Variants in NEGR1 observed in about 807,000 individuals in gnomAD.
The protein encoded by NEGR1 is IgLON family member 4.
A neutral mutation model predicts 40.9 loss-of-function variants in NEGR1; 10 were observed. That is an observed-to-expected ratio of 0.24 (90% confidence interval 0.15 to 0.42). The LOEUF is 0.42. Ranked by LOEUF, NEGR1 falls within the 10% of genes least tolerant of loss-of-function variation. NEGR1 has a pLI of 1.00. For synonymous variants in NEGR1, 185 were observed against 166.8 expected (o/e 1.11, Z -0.84); for missense variants, 352 against 438.9 (o/e 0.80, Z 1.77).
chr1:72,226,134 A>T (rs995969451), intron 1 of NEGR1, among the ~76,000 whole-genome samples: 8 of 151,912 alleles, frequency 5.3e-5, no homozygotes, highest in Non-Finnish European at 7.4e-5. Context: ...CTTAATCAAG[A>T]TCTAAACTTT....
chr1:72,280,420 C>T (rs1656203610), intron 1 of NEGR1, among the ~76,000 whole-genome samples: 1 of 152,148 alleles, frequency 6.6e-6, no homozygotes, highest in Non-Finnish European at 1.5e-5. Flanking sequence ...TTGCTTGCTA[C>T]AAAAATACAT....
chr1:72,071,616 T>C (rs1647464466), intron 1 of NEGR1, among the ~76,000 whole-genome samples: 1 of 152,094 alleles, frequency 6.6e-6, no homozygotes, highest in African/African-American at 2.4e-5. Flanking sequence ...TTCTTCTTTA[T>C]CATCCACTCA....
At chr1:71,635,959 G>T (rs1651134736) in intron 4 of NEGR1, among the ~76,000 whole-genome samples, 1 of 151,846 alleles carries the variant, frequency 6.6e-6, no homozygotes, top group South Asian at 2.1e-4. Flanking sequence ...TGTTTATAAA[G>T]TTAAAAAAAT....
intron 4 of NEGR1, among the ~76,000 whole-genome samples, chr1:71,647,883 C>T (rs918320677): frequency 6.6e-6 from 1 of 151,874 alleles, no homozygotes; most frequent in Non-Finnish European, 1.5e-5. Context: ...ATACATGTGG[C>T]CACACCACTG....
At chr1:71,681,251 T>C (rs956576070) in intron 4 of NEGR1, among the ~76,000 whole-genome samples, 7 of 152,238 alleles carry the variant, frequency 4.6e-5, no homozygotes, top group African/African-American at 1.7e-4. Flanking sequence ...ATTCTTTCTG[T>C]AACAATAAGA....
In NEGR1 at chr1:71,645,533, ATCT is replaced by A. The variant is rs376588618; in HGVS notation, c.668-34390_668-34388del. Among the ~76,000 whole-genome samples the A allele has an allele frequency of 1.7e-3, 258 of 152,028 alleles. 1 individual carries two copies. The South Asian group carries it at 0.028, about 16-fold the overall frequency. On this transcript the variant is annotated intron_variant, in intron 4 of 6. Coordinates refer to ENST00000357731, the MANE Select transcript of NEGR1 (RefSeq NM_173808.3). ...TTCTCATTCCCACAGCAGAAAAAAA[ATCT>A]TCTCTCAATAATTATTTTTATAATG... is the stretch of plus-strand genomic sequence containing the variant.
At chr1:71,543,986 T>G (rs575864599) in intron 6 of NEGR1, among the ~76,000 whole-genome samples, 2 of 151,644 alleles carry the variant, frequency 1.3e-5, no homozygotes, top group Non-Finnish European at 3.0e-5. Flanking sequence ...TTTGTTTGTT[T>G]GACTTCCTTG....
rs180743929 is a variant in NEGR1, at chr1:72,138,387, C to G, written c.176+143932G>C. On this transcript the variant is annotated intron_variant, in intron 1 of 6. Coordinates refer to ENST00000357731, the MANE Select transcript of NEGR1 (RefSeq NM_173808.3). ...AAATGTAATTATATGAGTAATCACA[C>G]TAAATACAAGTGTTCTAAATACCTT... Among the ~76,000 whole-genome samples, 152 of 151,968 alleles carry G rather than the reference C, an allele frequency of 1.0e-3. 1 individual carries two copies. The highest frequency in any genetic ancestry group is 3.5e-3 in the African/African-American group (146 of 41,498).
chr1:71,658,770 A>T (rs1218827395), intron 4 of NEGR1, among the ~76,000 whole-genome samples: 1 of 152,190 alleles, frequency 6.6e-6, no homozygotes, highest in Non-Finnish European at 1.5e-5. Context: ...TTGTTGAGGA[A>T]CTGCAGACTG....
intron 2 of NEGR1, among the ~76,000 whole-genome samples, chr1:71,873,758 G>A (rs1660346454): frequency 6.6e-6 from 1 of 152,106 alleles, no homozygotes; most frequent in African/African-American, 2.4e-5. Context: ...GCTGTAGTGG[G>A]TGTTACTGTA....
chr1:71,442,085 G>A (rs1007416570), intron 6 of NEGR1, among the ~76,000 whole-genome samples: 2 of 151,378 alleles, frequency 1.3e-5, no homozygotes, highest in African/African-American at 4.9e-5. Context: ...ATCATAAAAA[G>A]TATACATGTT....
At chr1:71,473,617 T>C (rs144894195) in intron 6 of NEGR1, among the ~76,000 whole-genome samples, 9 of 152,192 alleles carry the variant, frequency 5.9e-5, no homozygotes, top group Non-Finnish European at 8.8e-5. Flanking sequence ...TTACTACAGA[T>C]AGGGAGTTTT....
chr1:71,662,987 C>G (rs997376606), intron 4 of NEGR1, among the ~76,000 whole-genome samples: 1 of 151,164 alleles, frequency 6.6e-6, no homozygotes, highest in African/African-American at 2.4e-5. Context: ...GACGGGGTCT[C>G]GTTCTGTCTC....
intron 1 of NEGR1, among the ~76,000 whole-genome samples, chr1:72,269,663 C>T (rs1655776677): frequency 6.6e-6 from 1 of 151,604 alleles, no homozygotes; most frequent in African/African-American, 2.4e-5. Flanking sequence ...TACATTATAC[C>T]TAACTCTAAG....
chr1:71,552,301 T>C (rs1173702926), intron 6 of NEGR1, among the ~76,000 whole-genome samples: 3 of 150,424 alleles, frequency 2.0e-5, no homozygotes. Context: ...TCTCATCCTG[T>C]GGCCCTTCTA....
At chr1:71,562,597 T>C (rs967148788) in intron 6 of NEGR1, among the ~76,000 whole-genome samples, 1 of 151,950 alleles carries the variant, frequency 6.6e-6, no homozygotes, top group Non-Finnish European at 1.5e-5. Context: ...AGGAAGAATG[T>C]AATTGTTTAG....
chr1:72,258,209 C>T (rs939702645), intron 1 of NEGR1, among the ~76,000 whole-genome samples: 1 of 152,122 alleles, frequency 6.6e-6, no homozygotes, highest in African/African-American at 2.4e-5. Flanking sequence ...GTTTTCAAAA[C>T]TCAAGGAGGT....
intron 1 of NEGR1, among the ~76,000 whole-genome samples, chr1:72,122,011 G>C (rs80031199): frequency 6.6e-6 from 1 of 151,602 alleles, no homozygotes; most frequent in Non-Finnish European, 1.5e-5. Context: ...ACTAAATACC[G>C]ATTGTTTCCC....
At chr1:71,912,721 G>T (rs1401506331) in intron 2 of NEGR1, among the ~76,000 whole-genome samples, 1 of 152,110 alleles carries the variant, frequency 6.6e-6, no homozygotes, top group Non-Finnish European at 1.5e-5. Flanking sequence ...TAAGAATAAT[G>T]TAGTCTACCA....
Sources: gnomAD v4.1 joint callset for allele counts (sites outside exome capture counted in the v4.1 genomes callset) on GRCh38, gnomAD v4.1.1 for gene constraint, MANE v1.5 for transcripts, NCBI Gene and HGNC (gene_info 2026-07-23, HGNC 2026-07-21) for gene names.